The following CNBD2 variants were observed in gnomAD, a reference collection of about 807,000 sequenced individuals.
CNBD2 encodes the protein cyclic nucleotide binding domain containing 2.
A neutral mutation model predicts 63.7 loss-of-function variants in CNBD2; 64 were observed. That is an observed-to-expected ratio of 1.00 (90% confidence interval 0.82 to 1.24). The LOEUF (loss-of-function observed/expected upper bound fraction) is 1.24. Among genes scored for constraint, CNBD2 ranks in the 50% most tolerant of loss-of-function variants. The pLI is 0.00. For synonymous variants in CNBD2, 229 were observed against 255.4 expected, an observed-to-expected ratio of 0.90 and a Z score of 0.99; for missense variants, 691 against 713.5, an observed-to-expected ratio of 0.97 and a Z score of 0.36.
chr20:35,996,839 A>G (rs1218202984), intron 8 of CNBD2, among the ~76,000 whole-genome samples: 3 of 152,198 alleles, frequency 2.0e-5, no homozygotes, highest in Non-Finnish European at 4.4e-5. Flanking sequence ...CGATTGTACC[A>G]TCTGACACAT....
Position 35,984,522 on chromosome 20 carries a change from A to G in CNBD2, c.565-105A>G, listed in dbSNP as rs2056640107. On this transcript the variant is annotated intron_variant, in intron 5 of 11. Transcript: ENST00000373973. ...AGGCTAGGGAACACACAGTCTGGTG[A>G]GGAGAGAATTCAGGGGGAAGATGGA... The G allele has an allele frequency of 2.5e-6, 3 of 1,216,528 alleles. No individual in the cohort carries two copies. In the South Asian group the frequency reaches 4.4e-5, roughly 18 times the overall value. 75.4% of individuals were successfully genotyped at this position (1,216,528 alleles called of 1,614,324 possible).
intron 8 of CNBD2, among the ~76,000 whole-genome samples, chr20:35,999,362 A>G (rs935508553): frequency 6.6e-6 from 1 of 151,958 alleles, no homozygotes; most frequent in Non-Finnish European, 1.5e-5. Flanking sequence ...TGTCACATCT[A>G]TTCCCTTTTT....
chr20:35,984,242 T>C lies in CNBD2; in HGVS notation c.564+104T>C, dbSNP rs1289821794. The C allele has an allele frequency of 7.4e-6, 9 of 1,223,662 alleles. No homozygotes were observed. In the East Asian group the frequency reaches 1.7e-4, roughly 23 times the overall value. The allele number at this position is 1,223,662 out of a possible 1,614,324, so 75.8% of individuals were successfully genotyped here. On this transcript the variant is annotated intron_variant, in intron 5 of 11. Transcript: ENST00000373973. The stretch of plus-strand genomic sequence containing the variant: ...AGGCCCAGTCCTGCCTAGTACTCTG[T>C]ACAAGTCAGTGTCCCGTGTGGGCCC...
At chr20:35,970,779 G>A (rs780775077) in intron 1 of CNBD2, among the ~76,000 whole-genome samples, 5 of 151,966 alleles carry the variant, frequency 3.3e-5, no homozygotes, top group African/African-American at 1.2e-4. Flanking sequence ...GCAGTGGCAC[G>A]ATCATAGCTC....
chr20:36,012,253 T>C (rs774820998), intron 10 of CNBD2, among the ~76,000 whole-genome samples: 6 of 151,444 alleles, frequency 4.0e-5, no homozygotes. Context: ...TGAGCTGAGA[T>C]AGTGACGTTG....
At chr20:35,975,247 C>T (rs1453635457) in intron 2 of CNBD2, among the ~76,000 whole-genome samples, 8 of 135,712 alleles carry the variant, frequency 5.9e-5, no homozygotes, top group East Asian at 4.2e-4. Context: ...GTGATCCGCC[C>T]GCCTCGGCCT....
At chr20:35,976,065 C>T in intron 3 of CNBD2, 63 bp downstream of exon 3, 2 of 1,443,064 alleles carry the variant, frequency 1.4e-6, no homozygotes, top group Non-Finnish European at 1.9e-6. Flanking sequence ...TTGGAAGAAA[C>T]CCTGGCTGGG....
chr20:36,019,990 G>T (rs1449500643), intron 10 of CNBD2, among the ~76,000 whole-genome samples: 1 of 152,190 alleles, frequency 6.6e-6, no homozygotes, highest in African/African-American at 2.4e-5. Context: ...CATTGTAGTT[G>T]CTGAAAGCAC....
At chr20:35,965,257 A>G (rs940323187), upstream of CNBD2, among the ~76,000 whole-genome samples, 1 of 147,662 alleles carries the variant, frequency 6.8e-6, no homozygotes, top group Non-Finnish European at 1.5e-5. Flanking sequence ...GGCTCACTGC[A>G]ACCTGCGCCT....
chr20:36,008,609 A>C (rs144151763), intron 9 of CNBD2, 135 bp downstream of exon 9: 9 of 836,118 alleles, frequency 1.1e-5, no homozygotes. Context: ...AGGATTGTGC[A>C]TGAGGCAACC....
chr20:35,980,580 A>T lies in CNBD2; in HGVS notation c.365A>T (p.Glu122Val). 1 of 1,613,934 alleles carries T rather than the reference A, an allele frequency of 6.2e-7. No homozygotes were observed. Among genetic ancestry groups the T allele is most frequent in the Non-Finnish European group, 8.5e-7 (1 of 1,180,040 alleles). ...QVLDSYRNYA[E>V]PLQLLLAKVM... Reference sequence around the variant, plus strand: ...CTGGATAGCTATCGGAACTACGCAGAGCCCCTGCAGCTGCTCCTGGCCAAA... The same window carrying T: ...CTGGATAGCTATCGGAACTACGCAGTGCCCCTGCAGCTGCTCCTGGCCAAA... Residue 122 changes from glutamate (E) to valine (V), a missense_variant, in exon 4 of 12, where the codon GAG (glutamate) becomes GTG (valine). Transcript: ENST00000373973.
chr20:35,978,446 G>T (rs55883412), intron 3 of CNBD2, among the ~76,000 whole-genome samples: 1 of 151,312 alleles, frequency 6.6e-6, no homozygotes, highest in Admixed American at 6.6e-5. Context: ...CCGGGTTCAC[G>T]CCATTCTCTT....
upstream of CNBD2, among the ~76,000 whole-genome samples, chr20:35,967,544 T>TA (rs563739384): frequency 5.1e-3 from 614 of 119,932 alleles, no homozygotes; most frequent in African/African-American, 0.01. Context: ...ACTGCTTTCT[T>TA]AAAAAAAAAA....
chr20:36,013,865 T>G (rs1413544721), intron 10 of CNBD2, among the ~76,000 whole-genome samples: 1 of 152,088 alleles, frequency 6.6e-6, no homozygotes, highest in African/African-American at 2.4e-5. Flanking sequence ...CAATATATAC[T>G]TACAGATAAT....
At chr20:35,975,812 A>G in intron 2 of CNBD2, 137 bp from the exon 3 acceptor site, 1 of 685,902 alleles carries the variant, frequency 1.5e-6, no homozygotes, top group Non-Finnish European at 2.5e-6. Context: ...GGCAGGCCTG[A>G]AAGGGCCGGC....
At chr20:35,968,984 G>GC (rs2056374809) in intron 1 of CNBD2, among the ~76,000 whole-genome samples, 171 bp downstream of exon 1, 1 of 152,090 alleles carries the variant, frequency 6.6e-6, no homozygotes, top group Non-Finnish European at 1.5e-5. Flanking sequence ...TAGCCTACCA[G>GC]CCCCCCACAC....
intron 8 of CNBD2, among the ~76,000 whole-genome samples, chr20:35,999,563 T>C (rs2590961): frequency 0.039 from 5,998 of 152,286 alleles, 414 homozygotes; most frequent in African/African-American, 0.14. Context: ...AATCTTACAA[T>C]GATATATTTC....
At chr20:35,995,959 T>G (rs1031096561) in intron 8 of CNBD2, among the ~76,000 whole-genome samples, 5 of 152,180 alleles carry the variant, frequency 3.3e-5, no homozygotes, top group African/African-American at 1.2e-4. Context: ...TTCTTGCTGG[T>G]GGGGACTCTT....
intron 7 of CNBD2, among the ~76,000 whole-genome samples, chr20:35,991,273 A>AT (rs1419158469): frequency 6.6e-6 from 1 of 152,184 alleles, no homozygotes; most frequent in Non-Finnish European, 1.5e-5. Context: ...TGTATGGTAT[A>AT]TTTTATTATT....
Sources: gnomAD v4.1 joint callset for allele counts (sites outside exome capture counted in the v4.1 genomes callset) on GRCh38, gnomAD v4.1.1 for gene constraint, MANE v1.5 for transcripts, NCBI Gene and HGNC (gene_info 2026-07-23, HGNC 2026-07-21) for gene names.